The following TLN1 variants were observed in gnomAD, a reference collection of about 807,000 sequenced individuals.
The protein encoded by TLN1 is talin 1.
In TLN1, 56 loss-of-function variants were observed where a neutral mutation model predicts 292.3. The ratio of observed to expected loss-of-function variants is 0.19; its 90% CI spans 0.15 to 0.24. TLN1 has a LOEUF of 0.24. Among genes scored for constraint, TLN1 ranks in the 10% least tolerant of loss-of-function variants. The pLI is 1.00. For synonymous variants in TLN1, 1,119 were observed against 1,253.7 expected (o/e 0.89, Z 2.27); for missense variants, 2,433 against 3,248.2 (o/e 0.75, Z 6.10).
chr9:35,723,050 G>C (rs998018209), intron 7 of TLN1, 129 bp from the exon 8 acceptor site: 1 of 706,202 alleles, frequency 1.4e-6, no homozygotes, highest in African/African-American at 1.8e-5. Flanking sequence ...AAAAGACTCT[G>C]AGGGAATAGA....
At chr9:35,712,145 G>C (rs1213279448) in intron 27 of TLN1, 21 bp from the exon 28 acceptor site, 3 of 1,607,114 alleles carry the variant, frequency 1.9e-6, no homozygotes, top group East Asian at 4.5e-5. Flanking sequence ...AAAGGAGACA[G>C]GGTTGCCCAA....
At chr9:35,723,175 C>T (rs1465104281) in intron 7 of TLN1, 2 of 320,956 alleles carry the variant, frequency 6.2e-6, no homozygotes, top group South Asian at 3.2e-5. Flanking sequence ...GATCTCAGCT[C>T]ACCAAAACCT....
At chr9:35,713,153 C>G (rs191440425) in intron 26 of TLN1, 43 bp downstream of exon 26, 4 of 1,579,906 alleles carry the variant, frequency 2.5e-6, no homozygotes, top group Non-Finnish European at 3.5e-6. Context: ...ATTTTCCTAC[C>G]TCCCTCACAA....
intron 17 of TLN1, among the ~76,000 whole-genome samples, chr9:35,718,402 C>T (rs1416282204): frequency 1.3e-5 from 2 of 152,132 alleles, no homozygotes; most frequent in African/African-American, 4.8e-5. Context: ...TCTGGATGCA[C>T]ATATCTGCAT....
Position 35,710,569 on chromosome 9 carries a change from C to T in TLN1, c.4318G>A (p.Ala1440Thr). 1 of 1,613,280 alleles carries T rather than the reference C, an allele frequency of 6.2e-7. No individual in the cohort carries two copies. Among genetic ancestry groups the T allele is most frequent in the Non-Finnish European group, 8.5e-7 (1 of 1,179,860 alleles). Reference protein sequence around the residue: ...SKALCGFTEAAAQAAYLVGVS... With the variant: ...SKALCGFTEATAQAAYLVGVS... The stretch of plus-strand genomic sequence containing the variant: ...CATCTCAGGAAAATAACCTGTGCAG[C>T]TGCCTCGGTGAAGCCACAAAGTGCC... The change falls in exon 33 of 57, where the codon GCT (alanine) becomes ACT (threonine). Residue 1440 changes from alanine to threonine, a missense_variant. Coordinates refer to ENST00000314888, the MANE Select transcript of TLN1 (RefSeq NM_006289.4).
At chr9:35,718,287 A>C (rs1825820070) in intron 17 of TLN1, among the ~76,000 whole-genome samples, 1 of 152,226 alleles carries the variant, frequency 6.6e-6, no homozygotes, top group Non-Finnish European at 1.5e-5. Flanking sequence ...GCTGAGGAAG[A>C]AGTACAGAAA....
chr9:35,721,034 G>C, intron 10 of TLN1, 121 bp from the exon 11 acceptor site: 1 of 668,518 alleles, frequency 1.5e-6, no homozygotes, highest in South Asian at 1.9e-5. Flanking sequence ...GGCCCTCTTG[G>C]AAGATGCCCA....
Position 35,720,071 on chromosome 9 carries a change from C to T in TLN1, c.1432G>A (p.Gly478Ser), listed in dbSNP as rs769135736. The change falls in exon 13 of 57, where the codon GGC becomes AGC. Residue 478 changes from glycine (G) to serine (S), a missense_variant. Gly to Ser is a moderately conservative substitution (Grantham distance 56). Around this residue, in one of 7 missense-constraint regions of TLN1, gnomAD observed 617 missense variants for 770.6 expected, o/e 0.80. Coordinates refer to ENST00000314888, the MANE Select transcript of TLN1 (RefSeq NM_006289.4). ...MPPAQQQITS[G>S]QMHRGHMPPL... ...GGCATGTGTCCTCGGTGCATCTGGC[C>T]GCTGGTAATCTGCTGCTGGGCAGGG... The T allele has an allele frequency of 1.6e-5, 25 of 1,599,194 alleles. No individual in the cohort carries two copies. Among genetic ancestry groups the T allele is most frequent in the South Asian group, 2.3e-5 (2 of 88,724 alleles).
At chr9:35,716,319 A>C in intron 20 of TLN1, 71 bp downstream of exon 20, 1 of 1,547,834 alleles carries the variant, frequency 6.5e-7, no homozygotes, top group Non-Finnish European at 8.8e-7. Flanking sequence ...TCATCAGATG[A>C]GGGTGACCAT....
In TLN1 at chr9:35,714,790, G is replaced by A. The variant is rs756084661; in HGVS notation, c.2841C>T (p.Gly947=). 77 of 1,584,132 alleles carry A rather than the reference G, an allele frequency of 4.9e-5. No individual in the cohort carries two copies. The highest frequency in any genetic ancestry group is 6.1e-5 in the Non-Finnish European group (71 of 1,164,586). The change falls in exon 22 of 57, where the codon GGC becomes GGT. Residue 947 remains glycine (G), a synonymous_variant. Transcript: ENST00000314888. This position sits in a 1 kb window ranked among gnomAD's most constrained non-coding sequence, Gnocchi z 4.6. ...AGCTCTGCACCAGCAGGGGCTGGGG[G>A]CCGGCAGAGGCCTTGGGGGTAGAGG... ...HAASTPKASA[G]PQPLLVQSCK... is the part of the protein sequence containing the mutation.
chr9:35,705,627 G>T lies in TLN1; in HGVS notation c.5657C>A (p.Ala1886Asp), dbSNP rs779004981. The T allele has an allele frequency of 6.2e-7, 1 of 1,608,448 alleles. No homozygotes were observed. Among genetic ancestry groups the T allele is most frequent in the Non-Finnish European group, 8.5e-7 (1 of 1,175,424 alleles). Residue 1886 changes from alanine (A) to aspartate (D), a missense_variant, in exon 43 of 57, where the codon GCT (alanine) becomes GAT (aspartate). Physicochemically the swap from Ala to Asp is moderately radical, Grantham distance 126. Around this residue, in one of 7 missense-constraint regions of TLN1, gnomAD observed 1,384 missense variants for 1,699.6 expected, o/e 0.81. Transcript: ENST00000314888. ...GCCATAGTCACTGGTCAGCTGGTTAGCAAGAGGGCCCAGCTCCTCTGGGCT... is the reference window on the plus strand; with the variant it reads ...GCCATAGTCACTGGTCAGCTGGTTATCAAGAGGGCCCAGCTCCTCTGGGCT... Reference protein sequence around the residue: ...NTSPEELGPLANQLTSDYGRL... With the variant: ...NTSPEELGPLDNQLTSDYGRL...
chr9:35,722,143 G>GTCC lies in TLN1; in HGVS notation c.923_924insGGA (p.Tyr308delinsTer). The GTCC allele has an allele frequency of 6.2e-7, 1 of 1,614,164 alleles. No individual in the cohort carries two copies. Among genetic ancestry groups the GTCC allele is most frequent in the Non-Finnish European group, 8.5e-7 (1 of 1,179,990 alleles). The stretch of plus-strand genomic sequence containing the variant: ...CCTTCACCAGGAAGAAGGAGACACC[G>GTCC]TAAGTCTTGAGAGAACGGGCTAGCT... On this transcript the variant is annotated stop_gained, in exon 9 of 57. Coordinates refer to ENST00000314888, the MANE Select transcript of TLN1 (RefSeq NM_006289.4). LOFTEE classifies it high-confidence loss of function.
chr9:35,718,705 T>C (rs1300131325), intron 17 of TLN1, 107 bp downstream of exon 17: 6 of 851,390 alleles, frequency 7.0e-6, no homozygotes, highest in Non-Finnish European at 9.6e-6. Flanking sequence ...GAGGTTCAGA[T>C]TGGTTTTTAG....
Position 35,699,022 on chromosome 9 carries a change from C to A in TLN1, c.6999+10G>T. On this transcript the variant is annotated intron_variant, in intron 52 of 56. Coordinates refer to ENST00000314888, the MANE Select transcript of TLN1 (RefSeq NM_006289.4). This position sits in a 1 kb window ranked among gnomAD's most constrained non-coding sequence, Gnocchi z 4.0. ...TGGTGAGGGTGGAAGAGGAAGGGAG[C>A]AGGACTGACCTTGGGTTTGGCCCGG... The A allele has an allele frequency of 6.2e-7, 1 of 1,611,204 alleles. No individual in the cohort carries two copies. The highest frequency in any genetic ancestry group is 8.5e-7 in the Non-Finnish European group (1 of 1,177,740).
In TLN1 at chr9:35,724,502, AG is replaced by A; in HGVS notation, c.511+69del. 6.3e-7 allele frequency: 1 copy of A among 1,581,232 alleles called. No homozygotes were observed. The highest frequency in any genetic ancestry group is 2.2e-5 in the East Asian group (1 of 44,616). On this transcript the variant is annotated intron_variant, in intron 5 of 56. Transcript: ENST00000314888. The surrounding 1 kb of genome is among the most constrained non-coding windows in gnomAD (Gnocchi z 4.7). ...CCCAGGGTGTAAAACAGTGCCTGGC[AG>A]AAGCAGATGCTGAAGCCCCTTCCCA...
Position 35,706,016 on chromosome 9 carries a change from A to G in TLN1, c.5457T>C (p.Ser1819=). The G allele has an allele frequency of 6.2e-7, 1 of 1,614,214 alleles. No individual in the cohort carries two copies. Reference sequence around the variant, plus strand: ...CCATGCCACCCACGACCCCAGCAGCACTGGCTGCCTCGTTGAGGGTTGTTG... The same window carrying G: ...CCATGCCACCCACGACCCCAGCAGCGCTGGCTGCCTCGTTGAGGGTTGTTG... ...DLTTTLNEAA[S]AAGVVGGMVD... Residue 1819 remains serine, a synonymous_variant, in exon 41 of 57, where the codon AGT becomes AGC. Coordinates refer to ENST00000314888, the MANE Select transcript of TLN1 (RefSeq NM_006289.4). The surrounding 1 kb of genome is among the most constrained non-coding windows in gnomAD (Gnocchi z 4.2).
chr9:35,699,948 G>T lies in TLN1; in HGVS notation c.6768+26C>A, dbSNP rs374966990. On this transcript the variant is annotated intron_variant, in intron 50 of 56. Coordinates refer to ENST00000314888, the MANE Select transcript of TLN1 (RefSeq NM_006289.4). The surrounding 1 kb of genome is among the most constrained non-coding windows in gnomAD (Gnocchi z 4.0). ...GCTGTGTATTCAGGGAGGCTGGTAT[G>T]AGGAACAAGCAACGCCCTCCCTTAC... 6.3e-7 allele frequency: 1 copy of T among 1,589,212 alleles called. No individual in the cohort carries two copies. The highest frequency in any genetic ancestry group is 8.6e-7 in the Non-Finnish European group (1 of 1,163,066).
intron 33 of TLN1, among the ~76,000 whole-genome samples, chr9:35,709,268 C>T (rs1057172830): frequency 1.3e-5 from 2 of 152,182 alleles, no homozygotes; most frequent in Non-Finnish European, 2.9e-5. Context: ...GCACTCCAGC[C>T]TGGCGACAGA....
chr9:35,725,364 A>C (rs184137897), intron 2 of TLN1, 43 bp from the exon 3 acceptor site: 9 of 1,596,576 alleles, frequency 5.6e-6, no homozygotes, highest in Non-Finnish European at 6.0e-6. Context: ...GAAGACCCCA[A>C]TGTGGCTGAA....
Sources: allele counts gnomAD v4.1 joint callset (sites outside exome capture counted in the v4.1 genomes callset), GRCh38; gene constraint gnomAD v4.1.1; regional missense constraint gnomAD v4.1.1; non-coding constraint Gnocchi (gnomAD v3.1); transcripts MANE v1.5; gene names NCBI Gene and HGNC (gene_info 2026-07-23, HGNC 2026-07-21).